The following POLA1 variants were observed in gnomAD, a reference collection of about 807,000 sequenced individuals.
POLA1 encodes DNA polymerase alpha 1, catalytic subunit.
Under a neutral mutation model 124.0 loss-of-function variants are expected in POLA1, and 15 were observed. The ratio of observed to expected loss-of-function variants is 0.12; its 90% CI spans 0.08 to 0.19. POLA1 has a LOEUF of 0.19. Among genes scored for constraint, POLA1 ranks in the 10% least tolerant of loss-of-function variants. The pLI is 1.00. For missense variants in POLA1, 886 were observed against 1,103.4 expected (o/e 0.80, Z 2.79); for synonymous variants, 408 against 389.4 (o/e 1.05, Z -0.56).
intron 36 of POLA1, among the ~76,000 whole-genome samples, chrX:24,950,715 C>G (rs1030152991): frequency 2.7e-5 from 3 of 111,914 alleles, no homozygotes; most frequent in African/African-American, 9.7e-5. Context: ...TATATTATCT[C>G]CCAAGATTCC....
chrX:24,832,509 A>G (rs2147039383), intron 32 of POLA1, among the ~76,000 whole-genome samples: 1 of 112,477 alleles, frequency 8.9e-6, no homozygotes, highest in Admixed American at 9.4e-5. Context: ...GAACTTTTGT[A>G]TGAGTTATGT....
intron 34 of POLA1, among the ~76,000 whole-genome samples, chrX:24,858,224 A>G (rs2046672981): frequency 8.9e-6 from 1 of 112,147 alleles, no homozygotes; most frequent in African/African-American, 3.2e-5. Context: ...ATAGTGGATC[A>G]TTAGCATTGC....
chrX:24,739,759 A>T (rs1295095489), intron 20 of POLA1, among the ~76,000 whole-genome samples: 2 of 112,283 alleles, frequency 1.8e-5, no homozygotes, highest in Non-Finnish European at 3.8e-5. Flanking sequence ...TGTTAACACT[A>T]TCTTGATGTT....
chrX:24,807,172 G>A (rs1328596139), intron 26 of POLA1, among the ~76,000 whole-genome samples: 1 of 112,005 alleles, frequency 8.9e-6, no homozygotes, highest in East Asian at 2.8e-4. Context: ...GTACACTCAG[G>A]GATGACATAG....
chrX:24,819,844 C>T (rs776387391), intron 30 of POLA1, among the ~76,000 whole-genome samples: 4 of 110,856 alleles, frequency 3.6e-5, no homozygotes, highest in African/African-American at 1.3e-4. Flanking sequence ...GTGTGATGTT[C>T]CCCTCCCTGT....
At chrX:24,721,320 C>T (rs747476017) in intron 10 of POLA1, among the ~76,000 whole-genome samples, 9 of 112,084 alleles carry the variant, frequency 8.0e-5, no homozygotes, top group Non-Finnish European at 1.7e-4. Context: ...TTCTCACCCT[C>T]AGTCCACTCT....
chrX:24,782,123 A>C (rs1456363593), intron 26 of POLA1, among the ~76,000 whole-genome samples: 1 of 111,966 alleles, frequency 8.9e-6, no homozygotes, highest in Non-Finnish European at 1.9e-5. Flanking sequence ...CAATTTGTTC[A>C]TCTGAAATGA....
intron 34 of POLA1, among the ~76,000 whole-genome samples, chrX:24,853,185 G>A (rs779543497): frequency 6.2e-4 from 70 of 112,241 alleles, no homozygotes; most frequent in African/African-American, 2.1e-3. Flanking sequence ...TCTTACTGAC[G>A]AATGTATGCA....
chrX:24,992,788 G>A (rs984373634), intron 36 of POLA1, among the ~76,000 whole-genome samples: 52 of 112,688 alleles, frequency 4.6e-4, no homozygotes, highest in Non-Finnish European at 8.1e-4. Flanking sequence ...AATAGAGCTA[G>A]CATTTTATTT....
chrX:24,861,212 A>G (rs1366341342), intron 34 of POLA1, among the ~76,000 whole-genome samples: 1 of 111,866 alleles, frequency 8.9e-6, no homozygotes, highest in Non-Finnish European at 1.9e-5. Flanking sequence ...AGCTCACTGT[A>G]ACTTCTGCCT....
chrX:24,810,037 T>C, intron 27 of POLA1, 107 bp downstream of exon 27: 3 of 487,617 alleles, frequency 6.2e-6, no homozygotes, highest in Non-Finnish European at 1.0e-5. Context: ...GCTTCTTAGG[T>C]TGCCTAGTTT....
intron 35 of POLA1, among the ~76,000 whole-genome samples, chrX:24,913,820 G>C (rs982081200): frequency 9.1e-6 from 1 of 110,303 alleles, no homozygotes; most frequent in South Asian, 3.9e-4. Context: ...CCAAGATCGG[G>C]AGTTCGAGAC....
intron 26 of POLA1, among the ~76,000 whole-genome samples, chrX:24,763,979 C>T (rs1172434022): frequency 9.0e-6 from 1 of 111,720 alleles, no homozygotes; most frequent in Admixed American, 9.5e-5. Flanking sequence ...CTGCTACCTA[C>T]AGCTTACTGC....
chrX:24,777,550 T>G (rs2045165382), intron 26 of POLA1, among the ~76,000 whole-genome samples: 1 of 112,697 alleles, frequency 8.9e-6, no homozygotes, highest in Non-Finnish European at 1.9e-5. Context: ...AATGGAAAAT[T>G]TACCATCTTA....
intron 36 of POLA1, among the ~76,000 whole-genome samples, chrX:24,994,290 T>G (rs1017048305): frequency 8.8e-6 from 1 of 113,159 alleles, no homozygotes; most frequent in Non-Finnish European, 1.9e-5. Context: ...GGACAACTTA[T>G]GTAATTCAGA....
intron 34 of POLA1, among the ~76,000 whole-genome samples, chrX:24,848,014 CTTTAA>C (rs2046498824): frequency 8.9e-6 from 1 of 111,782 alleles, no homozygotes; most frequent in Admixed American, 9.6e-5. Flanking sequence ...AACTCAATAG[CTTTAA>C]TTTGTTTTTT....
chrX:24,794,070 G>C (rs908419047), intron 26 of POLA1, among the ~76,000 whole-genome samples: 1 of 110,515 alleles, frequency 9.0e-6, no homozygotes, highest in South Asian at 3.9e-4. Flanking sequence ...TCCACCTCCC[G>C]GGTTCAAATG....
At chrX:24,821,336 C>A (rs1432086491) in intron 30 of POLA1, 116 bp from the exon 31 acceptor site, 1 of 502,719 alleles carries the variant, frequency 2.0e-6, no homozygotes, top group Non-Finnish European at 3.1e-6. Context: ...CATACAGCTT[C>A]TGTCATTTTT....
At chrX:24,979,401 C>T (rs977157747) in intron 36 of POLA1, among the ~76,000 whole-genome samples, 1 of 112,176 alleles carries the variant, frequency 8.9e-6, no homozygotes, top group African/African-American at 3.2e-5. Flanking sequence ...CCGACACATC[C>T]ATCAATAATG....
Sources: allele counts gnomAD v4.1 joint callset (sites outside exome capture counted in the v4.1 genomes callset), GRCh38; gene constraint gnomAD v4.1.1; transcripts MANE v1.5; gene names NCBI Gene and HGNC (gene_info 2026-07-23, HGNC 2026-07-21).